LRP1B: variants seen among roughly 807,000 people sequenced by gnomAD.
LRP1B encodes the protein LDL receptor related protein 1B, also known as low-density lipoprotein receptor-related protein 1B.
LRP1B carries 217 observed loss-of-function variants against 556.6 expected under a neutral mutation model. The observed-to-expected ratio is 0.39, with a 90% confidence interval of 0.35 to 0.44. LRP1B has a LOEUF of 0.44. Among genes scored for constraint, LRP1B ranks in the 20% least tolerant of loss-of-function variants. LRP1B has a pLI of 1.00. For synonymous variants in LRP1B, 2,047 were observed against 1,865.8 expected, an observed-to-expected ratio of 1.10 and a Z score of -2.50; for missense variants, 5,053 against 5,620.8, an observed-to-expected ratio of 0.90 and a Z score of 3.23.
At chr2:141,183,803 C>T (rs1681117100) in intron 7 of LRP1B, among the ~76,000 whole-genome samples, 1 of 151,942 alleles carries the variant, frequency 6.6e-6, no homozygotes, top group Admixed American at 6.6e-5. Context: ...TCAATGGTAC[C>T]CCAAGTTCCC....
chr2:141,865,581 G>A (rs1209190984), intron 1 of LRP1B, among the ~76,000 whole-genome samples: 2 of 109,192 alleles, frequency 1.8e-5, no homozygotes, highest in East Asian at 2.7e-4. Context: ...GACAGAGCGA[G>A]ACTCCGTCTC....
At chr2:141,203,834 T>C (rs1682149417) in intron 6 of LRP1B, among the ~76,000 whole-genome samples, 1 of 152,140 alleles carries the variant, frequency 6.6e-6, no homozygotes, top group Non-Finnish European at 1.5e-5. Flanking sequence ...AAATGGTCTC[T>C]CAGACCACAG....
intron 1 of LRP1B, among the ~76,000 whole-genome samples, chr2:141,989,072 C>T (rs1702275053): frequency 6.6e-6 from 1 of 151,994 alleles, no homozygotes; most frequent in African/African-American, 2.4e-5. Flanking sequence ...TCCAGTATAT[C>T]AAAGCATCTT....
At chr2:140,925,774 G>A (rs1420144501) in intron 20 of LRP1B, among the ~76,000 whole-genome samples, 1 of 152,070 alleles carries the variant, frequency 6.6e-6, no homozygotes, top group Non-Finnish European at 1.5e-5. Context: ...TTGAAAATTA[G>A]GGAGCGTCTT....
chr2:140,646,621 T>C (rs1684494824), intron 41 of LRP1B, among the ~76,000 whole-genome samples: 1 of 152,196 alleles, frequency 6.6e-6, no homozygotes, highest in South Asian at 2.1e-4. Flanking sequence ...GCATTCATAT[T>C]TTTTAATGTT....
At chr2:140,614,243 T>C (rs1212341863) in intron 41 of LRP1B, among the ~76,000 whole-genome samples, 1 of 152,118 alleles carries the variant, frequency 6.6e-6, no homozygotes, top group Non-Finnish European at 1.5e-5. Context: ...GGCATATTAT[T>C]GATCAAATCT....
chr2:141,712,671 T>G lies in LRP1B; in HGVS notation c.205+97608A>C, dbSNP rs376295207. On this transcript the variant is annotated intron_variant, in intron 2 of 90. Coordinates refer to ENST00000389484, the MANE Select transcript of LRP1B (RefSeq NM_018557.3). Reference sequence around the variant, plus strand: ...TTAACTATTATTATTATCTGTCCTTTTTTTTCTTTTGTTTTGAGACGGAGT... The same window carrying G: ...TTAACTATTATTATTATCTGTCCTTGTTTTTCTTTTGTTTTGAGACGGAGT... 5.3e-5 allele frequency among the ~76,000 whole-genome samples: 8 copies of G among 151,982 alleles called. No individual in the cohort carries two copies. In the South Asian group the frequency reaches 1.7e-3, roughly 32 times the overall value.
chr2:140,543,733 T>C (rs1392878549), intron 43 of LRP1B, among the ~76,000 whole-genome samples: 3 of 151,938 alleles, frequency 2.0e-5, no homozygotes, highest in African/African-American at 7.2e-5. Context: ...GAAGTCAAAC[T>C]GTATTTATTT....
chr2:141,048,282 T>C (rs1284145169), intron 11 of LRP1B, among the ~76,000 whole-genome samples: 1 of 152,040 alleles, frequency 6.6e-6, no homozygotes, highest in East Asian at 1.9e-4. Flanking sequence ...CCAGTGAAGA[T>C]CTGGTTTGAT....
At chr2:140,757,900 A>G (rs1688790177) in intron 35 of LRP1B, among the ~76,000 whole-genome samples, 1 of 152,276 alleles carries the variant, frequency 6.6e-6, no homozygotes, top group Non-Finnish European at 1.5e-5. Flanking sequence ...TAAAATTTTA[A>G]AAAGGGAAAA....
At chr2:141,399,544 G>A (rs1690369704) in intron 3 of LRP1B, among the ~76,000 whole-genome samples, 2 of 152,024 alleles carry the variant, frequency 1.3e-5, no homozygotes, top group Admixed American at 1.3e-4. Flanking sequence ...TCCTTCCTCT[G>A]TAAATCTCAT....
At position 140,426,843 on chromosome 2, in the gene LRP1B, G is replaced by A. The variant is rs747505181; in HGVS notation, c.10414+15661C>T. ...TCGGATCGGGGGACCTCCTTTGGGA[G>A]ATCAATCCCCTGTCTTCCTGCTCTT... On this transcript the variant is annotated intron_variant, in intron 66 of 90. Transcript: ENST00000389484. Among the ~76,000 whole-genome samples the A allele has an allele frequency of 1.7e-3, 252 of 152,276 alleles. 2 individuals are homozygous for A. The highest frequency in any genetic ancestry group is 9.7e-4 in the Non-Finnish European group (66 of 68,020).
intron 1 of LRP1B, among the ~76,000 whole-genome samples, chr2:141,864,134 T>A (rs2105790986): frequency 6.6e-6 from 1 of 152,232 alleles, no homozygotes; most frequent in African/African-American, 2.4e-5. Flanking sequence ...ATAAAAAAAA[T>A]CTGTCTAACC....
At chr2:140,280,379 T>C (rs1041283701) in intron 84 of LRP1B, among the ~76,000 whole-genome samples, 4 of 151,708 alleles carry the variant, frequency 2.6e-5, no homozygotes, top group Non-Finnish European at 5.9e-5. Flanking sequence ...GGATTCAAGA[T>C]AGAAAAGAGT....
chr2:141,202,823 G>A (rs13016547), intron 6 of LRP1B, among the ~76,000 whole-genome samples: 56,986 of 151,642 alleles, frequency 0.38, 11,944 homozygotes, highest in Middle Eastern at 0.55. Flanking sequence ...CATGTTTGCT[G>A]CACCCATCAA....
chr2:141,542,466 T>A (rs1685296748), intron 2 of LRP1B, among the ~76,000 whole-genome samples: 1 of 152,072 alleles, frequency 6.6e-6, no homozygotes, highest in South Asian at 2.1e-4. Flanking sequence ...TCTTCTCATA[T>A]AATGTTTAAG....
chr2:140,962,035 C>T (rs1446346464), intron 18 of LRP1B, among the ~76,000 whole-genome samples: 3 of 152,008 alleles, frequency 2.0e-5, no homozygotes, highest in Non-Finnish European at 1.5e-5. Flanking sequence ...ATGTATTATC[C>T]GACTTTCTTT....
At chr2:141,062,484 A>G (rs955249923) in intron 7 of LRP1B, among the ~76,000 whole-genome samples, 1 of 151,856 alleles carries the variant, frequency 6.6e-6, no homozygotes, top group Non-Finnish European at 1.5e-5. Flanking sequence ...TTAACCAACA[A>G]CTGTAAAATT....
chr2:140,333,130 C>T (rs1225767244), intron 79 of LRP1B, among the ~76,000 whole-genome samples: 1 of 151,924 alleles, frequency 6.6e-6, no homozygotes, highest in African/African-American at 2.4e-5. Flanking sequence ...TAAGCTAATT[C>T]CTTACTCAGA....
Sources: allele counts gnomAD v4.1 joint callset (sites outside exome capture counted in the v4.1 genomes callset), GRCh38; gene constraint gnomAD v4.1.1; transcripts MANE v1.5; gene names NCBI Gene and HGNC (gene_info 2026-07-23, HGNC 2026-07-21).